Variants in NBPF9 observed in about 807,000 individuals in gnomAD.
NBPF9 encodes the protein NBPF family member NBPF9.
Under a neutral mutation model 97.8 loss-of-function variants are expected in NBPF9, and 91 were observed. That is an observed-to-expected ratio of 0.93 (90% confidence interval 0.79 to 1.11). The LOEUF (loss-of-function observed/expected upper bound fraction) is 1.11. NBPF9 is among the 50% of genes least tolerant of loss of function. The pLI is 0.00. For synonymous variants in NBPF9, 334 were observed against 359.5 expected (o/e 0.93, Z 0.80); for missense variants, 992 against 939.5 (o/e 1.06, Z -0.73).
At chr1:149,055,691 G>T in exon 30 of NBPF9, 1 of 1,611,930 alleles carries the variant, frequency 6.2e-7, no homozygotes, top group South Asian at 1.1e-5. Context: ...TGGAACACCA[G>T]GTGGAGACTT....
exon 20 of NBPF9, chr1:149,063,661 C>T (rs782374989): frequency 1.2e-4 from 77 of 622,504 alleles, no homozygotes; most frequent in Non-Finnish European, 1.8e-4. Flanking sequence ...AGCCAACACG[C>T]TGTTGCTCCA....
At chr1:149,063,923 A>G in intron 19 of NBPF9, 118 bp from the exon 20 acceptor site, 1 of 667,016 alleles carries the variant, frequency 1.5e-6, no homozygotes, top group Admixed American at 2.4e-5. Flanking sequence ...CAGATCCATT[A>G]ATGAGGTAAC....
rs587611672 is a variant in NBPF9 at position 149,074,395 on chromosome 1, ACATAAGAC to A, written c.989-533_989-526del. 2.3e-3 allele frequency among the ~76,000 whole-genome samples: 344 copies of A among 151,772 alleles called. 8 individuals carry two copies. The highest frequency in any genetic ancestry group is 4.2e-3 in the Non-Finnish European group (283 of 67,804). Reference sequence around the variant, plus strand: ...TCATATCTGAAGCATAAAATGTGACACATAAGACCATAAGGCCATGAAGGAAATATGCC... The same window carrying A: ...TCATATCTGAAGCATAAAATGTGACACATAAGGCCATGAAGGAAATATGCC... On this transcript the variant is annotated intron_variant, in intron 12 of 29. Coordinates refer to ENST00000584027, the Ensembl canonical transcript of NBPF9.
rs782261993 is a variant in NBPF9, at chr1:149,062,958, C to T, written c.2027-45G>A. On this transcript the variant is annotated intron_variant, in intron 20 of 29. Transcript: ENST00000584027. Reference sequence around the variant, plus strand: ...GGACAGTCATATTAAGCTGGTTCTCCTACACACATAACAATCCACTGTCTA... The same window carrying T: ...GGACAGTCATATTAAGCTGGTTCTCTTACACACATAACAATCCACTGTCTA... 5.3e-6 allele frequency: 4 copies of T among 759,954 alleles called. No individual in the cohort carries two copies. In the Admixed American group the frequency reaches 6.9e-5, roughly 13 times the overall value. The allele number at this position is 759,954 out of a possible 1,614,324, so 47.1% of individuals were successfully genotyped here.
At chr1:149,100,193 A>C (rs587609489) in intron 3 of NBPF9, among the ~76,000 whole-genome samples, 23 of 139,494 alleles carry the variant, frequency 1.6e-4, no homozygotes, top group African/African-American at 5.7e-4. Flanking sequence ...TAAAAAGATA[A>C]ATAAATAAAG....
At chr1:149,071,178 A>T in intron 15 of NBPF9, 39 bp from the exon 16 acceptor site, 1 of 1,319,214 alleles carries the variant, frequency 7.6e-7, no homozygotes, top group Non-Finnish European at 1.1e-6. Context: ...AGAAGATTAA[A>T]CACAGAGGGA....
intron 16 of NBPF9, among the ~76,000 whole-genome samples, chr1:149,070,686 C>A (rs1462609746): frequency 1.3e-5 from 2 of 152,080 alleles, no homozygotes; most frequent in East Asian, 3.9e-4. Flanking sequence ...ACAGATACTG[C>A]CTGTGCACCT....
Position 149,070,908 on chromosome 1 carries a change from T to A in NBPF9, c.1585+26A>T, listed in dbSNP as rs373495913. On this transcript the variant is annotated intron_variant, in intron 16 of 29. Transcript: ENST00000584027. ...ATCTTCCTCAGCCTAGAGAGAGGTATGAGACACAAGGAAAACAGAGGCTAC... is the reference window on the plus strand; with the variant it reads ...ATCTTCCTCAGCCTAGAGAGAGGTAAGAGACACAAGGAAAACAGAGGCTAC... 9.0e-5 allele frequency: 145 copies of A among 1,610,766 alleles called. No homozygotes were observed. The African/African-American group carries it at 1.8e-3, about 20-fold the overall frequency.
intron 11 of NBPF9, among the ~76,000 whole-genome samples, chr1:149,076,342 G>A (rs1469345118): frequency 6.6e-6 from 1 of 150,692 alleles, no homozygotes; most frequent in Non-Finnish European, 1.5e-5. Flanking sequence ...GGATTACAAG[G>A]GCCAAGTAAC....
intron 10 of NBPF9, 150 bp downstream of exon 10, chr1:149,077,733 C>T (rs1386141012): frequency 2.6e-5 from 24 of 938,948 alleles, no homozygotes; most frequent in East Asian, 1.5e-4. Flanking sequence ...CGACAGCTGC[C>T]GCACCCTGTG....
downstream of NBPF9, among the ~76,000 whole-genome samples, chr1:149,052,642 G>GTATA (rs1177635129): frequency 6.7e-6 from 1 of 149,790 alleles, no homozygotes. Flanking sequence ...GCAAATTCAT[G>GTATA]TATATATATA....
chr1:149,101,023 A>T (rs2082112382), intron 3 of NBPF9, among the ~76,000 whole-genome samples: 1 of 151,720 alleles, frequency 6.6e-6, no homozygotes, highest in South Asian at 2.1e-4. Context: ...TTAGGCATTG[A>T]TTTCTTAAAC....
chr1:149,081,413 C>T (rs1399340980), intron 7 of NBPF9, among the ~76,000 whole-genome samples: 40 of 150,908 alleles, frequency 2.7e-4, no homozygotes, highest in African/African-American at 9.2e-4. Flanking sequence ...CCACGTTGCA[C>T]GGCCCCTACT....
At chr1:149,103,103 C>A (rs1356009322) in intron 1 of NBPF9, among the ~76,000 whole-genome samples, 198 bp downstream of exon 1, 1 of 152,002 alleles carries the variant, frequency 6.6e-6, no homozygotes, top group African/African-American at 2.4e-5. Flanking sequence ...ATGAGGGCTG[C>A]GGGCGGCAGC....
chr1:149,087,697 T>C (rs1172893711), intron 5 of NBPF9, among the ~76,000 whole-genome samples: 1 of 151,202 alleles, frequency 6.6e-6, no homozygotes, highest in Admixed American at 6.6e-5. Context: ...AGAACTGACT[T>C]TTTAAACATA....
chr1:149,062,309 G>A (rs2078667268), intron 21 of NBPF9, 44 bp from the exon 22 acceptor site: 2 of 624,772 alleles, frequency 3.2e-6, no homozygotes, highest in Admixed American at 5.5e-5. Context: ...GGGGGAATCA[G>A]AAACCACACA....
At chr1:149,058,672 G>C (rs2078398118) in intron 26 of NBPF9, 3 of 285,510 alleles carry the variant, frequency 1.1e-5, no homozygotes, top group Non-Finnish European at 1.9e-5. Flanking sequence ...ATCTGCCTGG[G>C]TCCAATGTGC....
rs1553649609 is a variant in NBPF9 at position 149,058,821 on chromosome 1, G to A, written c.2758+104C>T. On this transcript the variant is annotated intron_variant, in intron 26 of 29. Coordinates refer to ENST00000584027, the Ensembl canonical transcript of NBPF9. Reference sequence around the variant, plus strand: ...ATATGCGCCCATAGGTCCTGCCTGTGGCAATGACATCTCTCAGGTCAGTAA... The same window carrying A: ...ATATGCGCCCATAGGTCCTGCCTGTAGCAATGACATCTCTCAGGTCAGTAA... 167 of 715,398 alleles carry A rather than the reference G, an allele frequency of 2.3e-4. 4 individuals carry two copies. The South Asian group carries it at 2.4e-3, about 10-fold the overall frequency. The allele number at this position is 715,398 out of a possible 1,614,324, so 44.3% of individuals were successfully genotyped here.
At chr1:149,098,100 T>C (rs1257862477) in intron 4 of NBPF9, among the ~76,000 whole-genome samples, 3 of 136,690 alleles carry the variant, frequency 2.2e-5, no homozygotes, top group South Asian at 2.4e-4. Flanking sequence ...GACGGCAGGG[T>C]GGAAACAAGA....
Sources: allele counts gnomAD v4.1 joint callset (sites outside exome capture counted in the v4.1 genomes callset), GRCh38; gene constraint gnomAD v4.1.1; transcripts MANE v1.5; gene names NCBI Gene and HGNC (gene_info 2026-07-23, HGNC 2026-07-21).